LPAR1: variants seen among roughly 807,000 people sequenced by gnomAD.
LPAR1 encodes the protein LPA receptor 1.
In LPAR1, 5 loss-of-function variants were observed where a neutral mutation model predicts 23.8. The ratio of observed to expected loss-of-function variants is 0.21; its 90% CI spans 0.11 to 0.44. The LOEUF (loss-of-function observed/expected upper bound fraction) is 0.44. Among genes scored for constraint, LPAR1 ranks in the 20% least tolerant of loss-of-function variants. The pLI is 0.99. For synonymous variants in LPAR1, 160 were observed against 164.7 expected, an observed-to-expected ratio of 0.97 and a Z score of 0.22; for missense variants, 311 against 482.8, an observed-to-expected ratio of 0.64 and a Z score of 3.33.
At position 110,892,858 on chromosome 9, in the gene LPAR1, CAGGCAGGCAT is replaced by C. The variant is rs1465154646; in HGVS notation, c.794-17146_794-17137del. ...GCAGGCAGGCAGGCAGGCAGGCAGG[CAGGCAGGCAT>C]GCAGGCAGGCAGGCTCAAAAACACT... On this transcript the variant is annotated intron_variant, in intron 5 of 5. Transcript: ENST00000683809. 9.6e-4 allele frequency among the ~76,000 whole-genome samples: 110 copies of C among 114,700 alleles called. 4 individuals are homozygous for C. The highest frequency in any genetic ancestry group is 6.4e-3 in the East Asian group (22 of 3,462). The allele number at this position is 114,700 out of a possible 152,430, so 75.2% of individuals were successfully genotyped here.
chr9:110,926,821 T>A (rs917596260), intron 5 of LPAR1, among the ~76,000 whole-genome samples: 1 of 152,202 alleles, frequency 6.6e-6, no homozygotes, highest in African/African-American at 2.4e-5. Context: ...AATGTGCCCA[T>A]TTCAGTGGAA....
intron 2 of LPAR1, among the ~76,000 whole-genome samples, chr9:111,013,907 C>T (rs1396464121): frequency 6.6e-6 from 1 of 152,100 alleles, no homozygotes; most frequent in African/African-American, 2.4e-5. Context: ...CCACTTAGCC[C>T]CTCATCATTC....
intron 4 of LPAR1, among the ~76,000 whole-genome samples, chr9:110,942,621 G>C (rs556052689): frequency 1.3e-4 from 20 of 152,304 alleles, no homozygotes; most frequent in South Asian, 1.2e-3. Flanking sequence ...TTCTCACACA[G>C]TATGTTCCAT....
At chr9:111,025,764 T>C (rs993282296) in intron 2 of LPAR1, among the ~76,000 whole-genome samples, 8 of 152,224 alleles carry the variant, frequency 5.3e-5, no homozygotes, top group Admixed American at 1.3e-4. Context: ...TTTCTACATA[T>C]GGCTAGCCAG....
intron 5 of LPAR1, among the ~76,000 whole-genome samples, chr9:110,901,853 C>A (rs894429349): frequency 1.3e-5 from 2 of 152,156 alleles, no homozygotes; most frequent in African/African-American, 2.4e-5. Flanking sequence ...AAGCCACTAA[C>A]TAAATTCATT....
At chr9:110,920,486 T>C (rs1365675638) in intron 5 of LPAR1, among the ~76,000 whole-genome samples, 1 of 152,218 alleles carries the variant, frequency 6.6e-6, no homozygotes, top group Admixed American at 6.5e-5. Context: ...ATAATACTTA[T>C]ATATACTAGA....
At chr9:110,999,350 C>G in intron 2 of LPAR1, 3 of 453,690 alleles carry the variant, frequency 6.6e-6, no homozygotes, top group Non-Finnish European at 1.3e-5. Context: ...TAAAAAAGAA[C>G]AGCTAGAAAT....
chr9:110,936,551 G>C (rs747643199), intron 5 of LPAR1, among the ~76,000 whole-genome samples: 1 of 152,194 alleles, frequency 6.6e-6, no homozygotes. Flanking sequence ...TGAGGAAAAT[G>C]TAACTCCTTG....
At chr9:110,891,770 G>A (rs933690486) in intron 5 of LPAR1, among the ~76,000 whole-genome samples, 24 of 152,072 alleles carry the variant, frequency 1.6e-4, no homozygotes, top group Middle Eastern at 3.2e-3. Flanking sequence ...TATAAATGGC[G>A]CATTAAGCAC....
chr9:110,972,390 G>A (rs901912085), intron 3 of LPAR1, among the ~76,000 whole-genome samples, 170 bp from the exon 4 acceptor site: 5 of 152,174 alleles, frequency 3.3e-5, no homozygotes, highest in African/African-American at 1.2e-4. Context: ...CACGACTTCT[G>A]TGCTATCTGT....
At chr9:110,916,192 A>G (rs1005638654) in intron 5 of LPAR1, among the ~76,000 whole-genome samples, 2 of 152,150 alleles carry the variant, frequency 1.3e-5, no homozygotes, top group Non-Finnish European at 2.9e-5. Flanking sequence ...TATACTTCTC[A>G]TGTAGTCCCT....
chr9:110,977,897 AAGGAAGG>A (rs2096592948), intron 2 of LPAR1, among the ~76,000 whole-genome samples: 2 of 149,672 alleles, frequency 1.3e-5, no homozygotes, highest in African/African-American at 4.9e-5. Context: ...GGAAGGAAGG[AAGGAAGG>A]AAGGAAAGAA....
intron 5 of LPAR1, among the ~76,000 whole-genome samples, chr9:110,893,915 C>G (rs1415103257): frequency 6.6e-6 from 1 of 152,136 alleles, no homozygotes; most frequent in Non-Finnish European, 1.5e-5. Context: ...GAAGGACAGA[C>G]AGTAGACTTT....
chr9:110,950,000 T>C (rs1212367743), intron 4 of LPAR1, among the ~76,000 whole-genome samples: 1 of 152,210 alleles, frequency 6.6e-6, no homozygotes, highest in Non-Finnish European at 1.5e-5. Flanking sequence ...TAATACACTT[T>C]CATGATATTC....
intron 5 of LPAR1, among the ~76,000 whole-genome samples, chr9:110,921,894 G>T (rs2093654708): frequency 6.6e-6 from 1 of 152,198 alleles, no homozygotes; most frequent in African/African-American, 2.4e-5. Context: ...AACTGAAGAA[G>T]TCCTGTAGAA....
intron 5 of LPAR1, among the ~76,000 whole-genome samples, chr9:110,914,687 G>A (rs977386099): frequency 1.5e-4 from 23 of 152,240 alleles, no homozygotes; most frequent in Non-Finnish European, 2.9e-4. Context: ...GAGGAAGGCA[G>A]AATGCTGATA....
intron 4 of LPAR1, among the ~76,000 whole-genome samples, chr9:110,968,475 C>A (rs1203300742): frequency 2.0e-5 from 3 of 152,204 alleles, no homozygotes; most frequent in Non-Finnish European, 4.4e-5. Context: ...GGACACTTGA[C>A]ATTCACCTAT....
intron 4 of LPAR1, among the ~76,000 whole-genome samples, chr9:110,968,586 G>C (rs1209734625): frequency 6.6e-6 from 1 of 151,892 alleles, no homozygotes; most frequent in African/African-American, 2.4e-5. Flanking sequence ...TCTTTTCTTG[G>C]GTCTCCACTT....
chr9:110,988,906 ATAAAGT>A (rs1193835112), intron 2 of LPAR1, among the ~76,000 whole-genome samples: 1 of 152,224 alleles, frequency 6.6e-6, no homozygotes, highest in African/African-American at 2.4e-5. Context: ...TGTTGAAAGG[ATAAAGT>A]TAAATATGGT....
Sources: gnomAD v4.1 joint callset for allele counts (sites outside exome capture counted in the v4.1 genomes callset) on GRCh38, gnomAD v4.1.1 for gene constraint, MANE v1.5 for transcripts, NCBI Gene and HGNC (gene_info 2026-07-23, HGNC 2026-07-21) for gene names.